Variants in TTLL3 observed in about 807,000 individuals in gnomAD.
TTLL3 encodes the protein tubulin tyrosine ligase like 3, also known as tubulin monoglycylase TTLL3.
In TTLL3, 63 loss-of-function variants were observed where a neutral mutation model predicts 75.2. The ratio of observed to expected loss-of-function variants is 0.84; its 90% CI spans 0.68 to 1.03. TTLL3 has a LOEUF of 1.03. TTLL3 is among the 50% of genes least tolerant of loss of function. The probability of loss-of-function intolerance (pLI) is 0.00; values close to 1 mark genes in which losing one functional copy is unlikely to be tolerated. For synonymous variants in TTLL3, 393 were observed against 418.5 expected, an observed-to-expected ratio of 0.94 and a Z score of 0.74; for missense variants, 997 against 1,069.9, an observed-to-expected ratio of 0.93 and a Z score of 0.95.
At position 9,819,554 on chromosome 3, in the gene TTLL3, G is replaced by A. The variant is rs999796355; in HGVS notation, c.658+634G>A. 6 of 987,388 alleles carry A rather than the reference G, an allele frequency of 6.1e-6. No individual in the cohort carries two copies. In the African/African-American group the frequency reaches 1.0e-4, roughly 17 times the overall value. The allele number at this position is 987,388 out of a possible 1,614,324, so 61.2% of individuals were successfully genotyped here. ...TGAAACTGGGCTTTACACATGGCCTGAGAACAGCTTAGGCCTGAACATAAG... is the reference window on the plus strand; with the variant it reads ...TGAAACTGGGCTTTACACATGGCCTAAGAACAGCTTAGGCCTGAACATAAG... On this transcript the variant is annotated intron_variant, in intron 7 of 13. Coordinates refer to ENST00000685419, the MANE Select transcript of TTLL3 (RefSeq NM_001387446.1).
At position 9,833,111 on chromosome 3, in the gene TTLL3, T is replaced by C. The variant is rs1214944064; in HGVS notation, c.1691T>C (p.Val564Ala). Residue 564 changes from valine (V) to alanine (A), a missense_variant, in exon 12 of 14, where the codon GTG becomes GCG. Transcript: ENST00000685419. ...AFELIYKQPAVEVPQYVGIRL... is the reference protein window; with the variant it reads ...AFELIYKQPAAEVPQYVGIRL... ...TCCTCTTCTTGCCCACAGCCTGCTG[T>C]GGAGGTGCCTCAATATGTGGGCATC... is the stretch of plus-strand genomic sequence containing the variant. 6.2e-7 allele frequency: 1 copy of C among 1,614,180 alleles called. No homozygotes were observed. Among genetic ancestry groups the C allele is most frequent in the Non-Finnish European group, 8.5e-7 (1 of 1,180,014 alleles).
chr3:9,832,930 T>C (rs866308278), intron 11 of TTLL3, among the ~76,000 whole-genome samples, 174 bp from the exon 12 acceptor site: 1 of 152,162 alleles, frequency 6.6e-6, no homozygotes, highest in Non-Finnish European at 1.5e-5. Flanking sequence ...TTCCTGGAGC[T>C]CTGTGACTCT....
chr3:9,812,599 G>A (rs2079459272), intron 2 of TTLL3, among the ~76,000 whole-genome samples: 1 of 152,136 alleles, frequency 6.6e-6, no homozygotes, highest in Non-Finnish European at 1.5e-5. Flanking sequence ...TTGAACCCAG[G>A]AGGAAGAGGG....
intron 2 of TTLL3, among the ~76,000 whole-genome samples, chr3:9,811,874 A>G (rs748211823): frequency 5.0e-4 from 76 of 152,258 alleles, no homozygotes; most frequent in Middle Eastern, 3.4e-3. Flanking sequence ...CTGTACATTC[A>G]TGGCTTCCTT....
Position 9,835,427 on chromosome 3 carries a change from G to C in TTLL3, c.2386G>C (p.Val796Leu). Residue 796 changes from valine to leucine, a missense_variant, in exon 14 of 14, where the codon GTT becomes CTT. Val to Leu is a conservative substitution (Grantham distance 32). Coordinates refer to ENST00000685419, the MANE Select transcript of TTLL3 (RefSeq NM_001387446.1). The part of the protein sequence containing the change: ...VKYLGLDSIA[V>L]GGSRVDGARP... ...GTATTTGGGGCTTGACTCCATTGCT[G>C]TTGGAGGGTCAAGAGTGGATGGGGC... 1 of 1,612,760 alleles carries C rather than the reference G, an allele frequency of 6.2e-7. No individual in the cohort carries two copies. Among genetic ancestry groups the C allele is most frequent in the Non-Finnish European group, 8.5e-7 (1 of 1,179,962 alleles).
intron 5 of TTLL3, among the ~76,000 whole-genome samples, chr3:9,816,580 A>G (rs2079892877): frequency 7.8e-6 from 1 of 127,402 alleles, no homozygotes; most frequent in Non-Finnish European, 1.6e-5. Flanking sequence ...GCAGTGGTGC[A>G]ATCTCAGCCC....
At chr3:9,815,222 CAA>C (rs1181011969) in intron 4 of TTLL3, among the ~76,000 whole-genome samples, 1 of 132,338 alleles carries the variant, frequency 7.6e-6, no homozygotes, top group African/African-American at 2.9e-5. Context: ...GCCTGGGCGA[CAA>C]GAGTCAGACT....
At chr3:9,811,471 G>C (rs976049988) in intron 2 of TTLL3, among the ~76,000 whole-genome samples, 9 of 152,028 alleles carry the variant, frequency 5.9e-5, no homozygotes, top group Non-Finnish European at 1.3e-4. Flanking sequence ...CCTCCAAAAC[G>C]ATTCTCAACT....
At position 9,810,764 on chromosome 3, in the gene TTLL3, C is replaced by T; in HGVS notation, c.48+55C>T. 3 of 1,466,862 alleles carry T rather than the reference C, an allele frequency of 2.0e-6. No individual in the cohort carries two copies. The highest frequency in any genetic ancestry group is 1.4e-5 in the African/African-American group (1 of 70,090). 90.9% of individuals were successfully genotyped at this position (1,466,862 alleles called of 1,614,324 possible). Reference sequence around the variant, plus strand: ...GGGCCCTGGGAGCGGCTCAGCCTGTCTCCCTGCGCTGTTTTCTTATATCCT... The same window carrying T: ...GGGCCCTGGGAGCGGCTCAGCCTGTTTCCCTGCGCTGTTTTCTTATATCCT... On this transcript the variant is annotated intron_variant, in intron 2 of 13. Coordinates refer to ENST00000685419, the MANE Select transcript of TTLL3 (RefSeq NM_001387446.1). This position sits in a 1 kb window ranked among gnomAD's most constrained non-coding sequence, Gnocchi z 4.4.
In TTLL3 at chr3:9,829,307, G is replaced by C. The variant is rs138074068; in HGVS notation, c.1595G>C (p.Gly532Ala). Residue 532 changes from glycine to alanine, a missense_variant, in exon 11 of 14, where the codon GGC (glycine) becomes GCC (alanine). Transcript: ENST00000685419. ...STAVTARLCA[G>A]VQADTLRVVI... ...GCAGTCACTGCCCGGCTCTGTGCTG[G>C]CGTGCAAGCTGACACCCTGCGCGTG... 407 of 1,613,862 alleles carry C rather than the reference G, an allele frequency of 2.5e-4. No homozygotes were observed. The highest frequency in any genetic ancestry group is 3.0e-4 in the Non-Finnish European group (358 of 1,179,964).
intron 4 of TTLL3, among the ~76,000 whole-genome samples, chr3:9,814,435 C>T (rs1559736463): frequency 2.0e-5 from 3 of 152,208 alleles, no homozygotes; most frequent in Non-Finnish European, 4.4e-5. Flanking sequence ...CACCTGAGGT[C>T]AGGAGTTCAA....
In TTLL3 at chr3:9,810,515, A is replaced by T. The variant is rs149821427; in HGVS notation, c.-41-106A>T. The T allele has an allele frequency of 3.3e-4, 488 of 1,470,666 alleles. 2 individuals are homozygous for T. In the African/African-American group the frequency reaches 6.5e-3, roughly 20 times the overall value. The allele number at this position is 1,470,666 out of a possible 1,614,324, so 91.1% of individuals were successfully genotyped here. A position where few individuals can be genotyped will look rare whatever the true frequency, so the allele number is the denominator to read the frequency against. On this transcript the variant is annotated intron_variant, in intron 1 of 13. Coordinates refer to ENST00000685419, the MANE Select transcript of TTLL3 (RefSeq NM_001387446.1). This position sits in a 1 kb window ranked among gnomAD's most constrained non-coding sequence, Gnocchi z 4.4. ...TGAGGGTGGGCATCTGGATGAAGGC[A>T]GGAGGAAGAAAAGAGGCGTGGCTAT...
At chr3:9,830,719 G>A (rs1003230102) in intron 11 of TTLL3, among the ~76,000 whole-genome samples, 22 of 152,190 alleles carry the variant, frequency 1.4e-4, no homozygotes, top group African/African-American at 4.8e-4. Context: ...GTATGGATGT[G>A]AGGAGGCTCC....
upstream of TTLL3, chr3:9,810,257 C>A (rs887577697): frequency 6.0e-6 from 9 of 1,508,086 alleles, no homozygotes; most frequent in Admixed American, 1.9e-4. This position sits in a 1 kb window ranked among gnomAD's most constrained non-coding sequence, Gnocchi z 4.4. Flanking sequence ...AGATGCCAGG[C>A]GGGCAGCCCC....
rs148789450 is a variant in TTLL3 at position 9,829,175 on chromosome 3, G to C, written c.1463G>C (p.Cys488Ser). The stretch of plus-strand genomic sequence containing the variant: ...CAGACCTCCCAGGACACCGTGCAGT[G>C]TCGGAAGGCCAGCTTTGAGCTCTAT... ...ALQTSQDTVQ[C>S]RKASFELYGA... Residue 488 changes from cysteine (C) to serine (S), a missense_variant, in exon 11 of 14, where the codon TGT becomes TCT. By Grantham distance (112) the Cys-to-Ser change is moderately radical. Transcript: ENST00000685419. 9.9e-6 allele frequency: 16 copies of C among 1,614,114 alleles called. No homozygotes were observed. Among genetic ancestry groups the C allele is most frequent in the African/African-American group, 2.7e-5 (2 of 74,946 alleles).
chr3:9,816,523 C>CTTTTTTTCTTTTTT lies in TTLL3; in HGVS notation c.444+328_444+329insCTTTTTTTTTTTTT, dbSNP rs2079878615. Reference sequence around the variant, plus strand: ...GACCCATTCTGTCTTACCTGGGTTTCTTTTTTTTTTTGAGACAGAGTCTTG... The same window carrying CTTTTTTTCTTTTTT: ...GACCCATTCTGTCTTACCTGGGTTTCTTTTTTTCTTTTTTTTTTTTTTTTTGAGACAGAGTCTTG... On this transcript the variant is annotated intron_variant, in intron 5 of 13. Transcript: ENST00000685419. 3.8e-5 allele frequency among the ~76,000 whole-genome samples: 4 copies of CTTTTTTTCTTTTTT among 103,992 alleles called. 1 individual carries two copies. The highest frequency in any genetic ancestry group is 3.3e-4 in the Admixed American group (3 of 8,982). The allele number at this position is 103,992 out of a possible 152,430, so 68.2% of individuals were successfully genotyped here. A position where few individuals can be genotyped will look rare whatever the true frequency, so the allele number is the denominator to read the frequency against.
intron 5 of TTLL3, chr3:9,817,370 G>A (rs2079976592): frequency 1.1e-6 from 1 of 928,222 alleles, no homozygotes; most frequent in Non-Finnish European, 1.3e-6. Flanking sequence ...CTTACAGTGA[G>A]CCGAGATCGC....
intron 8 of TTLL3, among the ~76,000 whole-genome samples, chr3:9,824,993 C>T (rs575395196): frequency 1.1e-4 from 16 of 149,334 alleles, no homozygotes; most frequent in Admixed American, 5.3e-4. Context: ...CGCCTGCCTC[C>T]GCCTCCCAAA....
In TTLL3 at chr3:9,823,871, C is replaced by T. The variant is rs568321957; in HGVS notation, c.855-1929C>T. ...GCGAGAGTCTGGATGAGGCAGCCAT[C>T]TGGGGTATTTTGTGACTTGGTTTAG... is the stretch of plus-strand genomic sequence containing the variant. On this transcript the variant is annotated intron_variant, in intron 8 of 13. Coordinates refer to ENST00000685419, the MANE Select transcript of TTLL3 (RefSeq NM_001387446.1). Among the ~76,000 whole-genome samples the T allele has an allele frequency of 7.9e-5, 12 of 152,358 alleles. No homozygotes were observed. The East Asian group carries it at 2.3e-3, about 29-fold the overall frequency.
Sources: allele counts gnomAD v4.1 joint callset (sites outside exome capture counted in the v4.1 genomes callset), GRCh38; gene constraint gnomAD v4.1.1; non-coding constraint Gnocchi (gnomAD v3.1); transcripts MANE v1.5; gene names NCBI Gene and HGNC (gene_info 2026-07-23, HGNC 2026-07-21).